Variants in DENND1C observed in about 807,000 individuals in gnomAD.
DENND1C encodes the protein DENN domain containing 1C.
In DENND1C, 64 loss-of-function variants were observed where a neutral mutation model predicts 87.9. That is an observed-to-expected ratio of 0.73 (90% CI 0.60 to 0.90). The LOEUF (loss-of-function observed/expected upper bound fraction) is 0.90. Ranked by LOEUF, DENND1C falls within the 40% of genes least tolerant of loss-of-function variation. DENND1C has a pLI of 0.00. For missense variants in DENND1C, 980 were observed against 1,037.0 expected (o/e 0.95, Z 0.76); for synonymous variants, 384 against 424.4 (o/e 0.90, Z 1.17).
Position 6,467,337 on chromosome 19 carries a change from C to T in DENND1C, c.*167G>A. The T allele has an allele frequency of 1.1e-6, 1 of 900,830 alleles. No individual in the cohort carries two copies. Among genetic ancestry groups the T allele is most frequent in the South Asian group, 2.9e-5 (1 of 34,506 alleles). The allele number at this position is 900,830 out of a possible 1,614,324, so 55.8% of individuals were successfully genotyped here. ...AAGACCAGGAGGCTTCCTGGAATTC[C>T]CTGCTAGGAGCCAGTTAGAGAGGCT... On this transcript the variant is annotated 3_prime_UTR_variant, in exon 23 of 23. Coordinates refer to ENST00000381480, the MANE Select transcript of DENND1C (RefSeq NM_024898.4).
Position 6,468,124 on chromosome 19 carries a change from T to A in DENND1C, c.1792-6A>T, listed in dbSNP as rs1568391692. On this transcript the variant is annotated splice_region_variant and splice_polypyrimidine_tract_variant and intron_variant, in intron 22 of 22. Coordinates refer to ENST00000381480, the MANE Select transcript of DENND1C (RefSeq NM_024898.4). ...TGCCATCTTGGTATGTTGGGCTAGG[T>A]GAGATGGATAGGGAAGTTGTGGCTT... 1.2e-6 allele frequency: 2 copies of A among 1,611,912 alleles called. No individual in the cohort carries two copies. Among genetic ancestry groups the A allele is most frequent in the South Asian group, 1.1e-5 (1 of 90,972 alleles).
chr19:6,481,463 TAG>T (rs4028204), intron 1 of DENND1C, among the ~76,000 whole-genome samples: 20,511 of 147,794 alleles, frequency 0.14, 1,405 homozygotes, highest in Middle Eastern at 0.23. Flanking sequence ...AGGAGCTGGA[TAG>T]AGAGAGAGAG....
chr19:6,478,460 C>G (rs1000468877), intron 6 of DENND1C, among the ~76,000 whole-genome samples: 7 of 145,466 alleles, frequency 4.8e-5, no homozygotes, highest in African/African-American at 1.3e-4. Context: ...TTCACCATGT[C>G]GGTCAGGCCG....
At position 6,469,651 on chromosome 19, in the gene DENND1C, G is replaced by C; in HGVS notation, c.1363-11C>G. On this transcript the variant is annotated splice_polypyrimidine_tract_variant and intron_variant, in intron 18 of 22. Transcript: ENST00000381480. ...CAAGCCACTCTTGGCCTATAAAGGA[G>C]TGGACAGAGAATTACCCAAGGGTGG... 1 of 1,603,132 alleles carries C rather than the reference G, an allele frequency of 6.2e-7. No homozygotes were observed. The highest frequency in any genetic ancestry group is 8.5e-7 in the Non-Finnish European group (1 of 1,174,758).
In DENND1C at chr19:6,469,729, T is replaced by G. The variant is rs565549787; in HGVS notation, c.1363-89A>C. 27 of 1,442,926 alleles carry G rather than the reference T, an allele frequency of 1.9e-5. No individual in the cohort carries two copies. In the South Asian group the frequency reaches 2.7e-4, roughly 14 times the overall value. 89.4% of individuals were successfully genotyped at this position (1,442,926 alleles called of 1,614,324 possible). A position where few individuals can be genotyped will look rare whatever the true frequency, so the allele number is the denominator to read the frequency against. ...CCTTCTGTCCCCTAAGATAGCTTTT[T>G]TTTTTGCCATCTGCATGTCTCAAAT... On this transcript the variant is annotated intron_variant, in intron 18 of 22. Coordinates refer to ENST00000381480, the MANE Select transcript of DENND1C (RefSeq NM_024898.4).
At position 6,477,392 on chromosome 19, in the gene DENND1C, C is replaced by T; in HGVS notation, c.433G>A (p.Val145Met). ...GAGCTACTCACCAGCTCAAGCCCCA[C>T]TGAGGCCTGGGGCCCAGACAGGGAC... Reference protein sequence around the residue: ...QQSLSGPQASVGLELGSGVTV... With the variant: ...QQSLSGPQASMGLELGSGVTV... The change falls in exon 7 of 23, where the codon GTG (valine) becomes ATG (methionine). Residue 145 changes from valine to methionine, a missense_variant. Coordinates refer to ENST00000381480, the MANE Select transcript of DENND1C (RefSeq NM_024898.4). The T allele has an allele frequency of 6.2e-7, 1 of 1,613,572 alleles. No homozygotes were observed. The highest frequency in any genetic ancestry group is 1.1e-5 in the South Asian group (1 of 91,054).
chr19:6,481,314 A>T (rs1308767546), intron 1 of DENND1C, among the ~76,000 whole-genome samples: 1 of 151,868 alleles, frequency 6.6e-6, no homozygotes, highest in African/African-American at 2.4e-5. Flanking sequence ...GTCACACACG[A>T]TCACCCACTC....
chr19:6,478,882 G>T, intron 5 of DENND1C, 30 bp from the exon 6 acceptor site: 1 of 1,613,890 alleles, frequency 6.2e-7, no homozygotes, highest in African/African-American at 1.3e-5. Context: ...GTTCCACGAA[G>T]TGTCCCTAGG....
rs1051441929 is a variant in DENND1C, at chr19:6,467,289, T to C, written c.*215A>G. The stretch of plus-strand genomic sequence containing the variant: ...TGGAAGTGACAAATGCCGAGAGGAA[T>C]TGTAAGGTTGCCAGGATTCTAGAAG... On this transcript the variant is annotated 3_prime_UTR_variant, in exon 23 of 23. Transcript: ENST00000381480. 2 of 585,184 alleles carry C rather than the reference T, an allele frequency of 3.4e-6. No individual in the cohort carries two copies. Among genetic ancestry groups the C allele is most frequent in the Admixed American group, 3.7e-5 (1 of 26,748 alleles). 36.2% of individuals were successfully genotyped at this position (585,184 alleles called of 1,614,324 possible).
chr19:6,476,014 G>C (rs149835153), intron 10 of DENND1C, 77 bp from the exon 11 acceptor site: 14 of 1,293,080 alleles, frequency 1.1e-5, no homozygotes, highest in African/African-American at 3.0e-5. Flanking sequence ...CATTTCCCAC[G>C]TCCCCAGTCT....
At chr19:6,472,056 C>T (rs10422083) in intron 15 of DENND1C, among the ~76,000 whole-genome samples, 14,043 of 152,228 alleles carry the variant, frequency 0.092, 872 homozygotes, top group African/African-American at 0.18. Context: ...GATTTCTGCC[C>T]CCTCTAGAAC....
Position 6,468,433 on chromosome 19 carries a change from G to A in DENND1C, c.1592C>T (p.Pro531Leu), listed in dbSNP as rs774211298. 6.2e-7 allele frequency: 1 copy of A among 1,612,356 alleles called. No homozygotes were observed. The highest frequency in any genetic ancestry group is 1.1e-5 in the South Asian group (1 of 90,674). The change falls in exon 22 of 23, where the codon CCA (proline) becomes CTA (leucine). Residue 531 changes from proline to leucine, a missense_variant. By Grantham distance (98) the Pro-to-Leu change is moderately conservative. Transcript: ENST00000381480. ...GCACCCCTCATCCTCAGGGCTCAGT[G>A]GGGGTGTCCTGGGTGAGGATGGGCA... The part of the protein sequence containing the change: ...TSEPPGAGTP[P>L]LSPEDEGCPW...
intron 15 of DENND1C, among the ~76,000 whole-genome samples, chr19:6,472,056 C>A (rs10422083): frequency 2.0e-5 from 3 of 152,136 alleles, no homozygotes; most frequent in African/African-American, 7.2e-5. Flanking sequence ...GATTTCTGCC[C>A]CCTCTAGAAC....
intron 3 of DENND1C, 57 bp downstream of exon 3, chr19:6,479,802 C>T (rs920803155): frequency 5.0e-6 from 8 of 1,613,658 alleles, no homozygotes; most frequent in African/African-American, 1.3e-5. Flanking sequence ...AAACCAAGTC[C>T]CCTCCCCCTG....
chr19:6,468,565 C>T lies in DENND1C; in HGVS notation c.1583+13G>A. 1 of 1,548,172 alleles carries T rather than the reference C, an allele frequency of 6.5e-7. No homozygotes were observed. Among genetic ancestry groups the T allele is most frequent in the South Asian group, 1.2e-5 (1 of 81,552 alleles). On this transcript the variant is annotated intron_variant, in intron 21 of 22. Transcript: ENST00000381480. ...CTCCCACTTTCAACACTGCTGTTCC[C>T]TTTTTGCCTTACCCCGCCCCTGGGG...
chr19:6,478,102 T>A (rs899814354), intron 6 of DENND1C, among the ~76,000 whole-genome samples: 1 of 151,656 alleles, frequency 6.6e-6, no homozygotes, highest in Non-Finnish European at 1.5e-5. Flanking sequence ...TGAGACAGGG[T>A]CTTGCTCTGT....
chr19:6,480,017 C>T lies in DENND1C; in HGVS notation c.52G>A (p.Glu18Lys), dbSNP rs372498127. Residue 18 changes from glutamate to lysine, a missense_variant, in exon 2 of 23, where the codon GAA becomes AAA. Coordinates refer to ENST00000381480, the MANE Select transcript of DENND1C (RefSeq NM_024898.4). ...TGCAGGGAGGCAGGGCAGGCCGCTTCGAAGAACCAATCAAACACAGCAGGG... is the reference window on the plus strand; with the variant it reads ...TGCAGGGAGGCAGGGCAGGCCGCTTTGAAGAACCAATCAAACACAGCAGGG... ...GSPAVFDWFF[E>K]AACPASLQED... 12 of 1,607,284 alleles carry T rather than the reference C, an allele frequency of 7.5e-6. No individual in the cohort carries two copies. The highest frequency in any genetic ancestry group is 1.7e-5 in the Admixed American group (1 of 59,384).
chr19:6,468,151 T>C, intron 22 of DENND1C, 33 bp from the exon 23 acceptor site: 2 of 1,609,904 alleles, frequency 1.2e-6, no homozygotes, highest in Non-Finnish European at 1.7e-6. Context: ...TTGTGGCTTT[T>C]AGATGGCAGA....
chr19:6,476,914 C>CA lies in DENND1C; in HGVS notation c.620dup (p.Phe208ValfsTer93). On this transcript the variant is annotated frameshift_variant, in exon 10 of 23. Transcript: ENST00000381480. LOFTEE classifies it high-confidence loss of function. ...TTCTCTCGGCCAGGAGCGCCGCGAA[C>CA]AGCCCCACGATGTTCTCGTCAGTCA... 1 of 1,613,550 alleles carries CA rather than the reference C, an allele frequency of 6.2e-7. No individual in the cohort carries two copies. The highest frequency in any genetic ancestry group is 8.5e-7 in the Non-Finnish European group (1 of 1,179,800).
Sources: allele counts gnomAD v4.1 joint callset (sites outside exome capture counted in the v4.1 genomes callset), GRCh38; gene constraint gnomAD v4.1.1; transcripts MANE v1.5; gene names NCBI Gene and HGNC (gene_info 2026-07-23, HGNC 2026-07-21).